Variants in RHEX observed in about 807,000 individuals in gnomAD.
The protein encoded by RHEX is regulator of hemoglobinization and erythroid cell expansion protein.
Under a neutral mutation model 20.1 loss-of-function variants are expected in RHEX, and 18 were observed. The ratio of observed to expected loss-of-function variants is 0.90; its 90% CI spans 0.62 to 1.33. The LOEUF is 1.33. RHEX is among the 40% of genes most tolerant of loss of function. The probability of loss-of-function intolerance (pLI) is 0.00; values close to 1 mark genes in which losing one functional copy is unlikely to be tolerated. For missense variants in RHEX, 192 were observed against 214.3 expected, an observed-to-expected ratio of 0.90 and a Z score of 0.65; for synonymous variants, 87 against 77.1, an observed-to-expected ratio of 1.13 and a Z score of -0.67.
chr1:206,071,914 T>G (rs1553284703), intron 1 of RHEX, among the ~76,000 whole-genome samples: 1 of 151,792 alleles, frequency 6.6e-6, no homozygotes, highest in Non-Finnish European at 1.5e-5. Flanking sequence ...TGATTGTAAC[T>G]GATTATGTTA....
In RHEX at chr1:206,097,721, T is replaced by C; in HGVS notation, c.-96-12T>C. 6.3e-7 allele frequency: 1 copy of C among 1,597,438 alleles called. No individual in the cohort carries two copies. The highest frequency in any genetic ancestry group is 8.6e-7 in the Non-Finnish European group (1 of 1,165,786). ...AGCCCTGGAGTCCTGACCAGCTCCT[T>C]ACCTCTTGCAGATCTCCAGCACCCT... is the stretch of plus-strand genomic sequence containing the variant. On this transcript the variant is annotated splice_polypyrimidine_tract_variant and intron_variant, in intron 1 of 5. Transcript: ENST00000331555.
chr1:206,068,020 A>G (rs1187927582), intron 1 of RHEX, among the ~76,000 whole-genome samples: 1 of 152,196 alleles, frequency 6.6e-6, no homozygotes, highest in Non-Finnish European at 1.5e-5. Context: ...GAAAGTAGAA[A>G]GGAAACTAAC....
intron 1 of RHEX, among the ~76,000 whole-genome samples, chr1:206,057,124 C>A (rs1484686122): frequency 4.6e-5 from 7 of 152,260 alleles, no homozygotes; most frequent in Admixed American, 2.6e-4. Context: ...GTATTTCAGA[C>A]TTTCTATGAT....
intron 1 of RHEX, among the ~76,000 whole-genome samples, chr1:206,056,724 C>T (rs1451370747): frequency 6.6e-6 from 1 of 152,104 alleles, no homozygotes; most frequent in Non-Finnish European, 1.5e-5. Context: ...AAAAATGTAA[C>T]CTTAAAATTT....
At chr1:206,076,280 G>A (rs1553285218) in intron 1 of RHEX, among the ~76,000 whole-genome samples, 1 of 151,898 alleles carries the variant, frequency 6.6e-6, no homozygotes, top group African/African-American at 2.4e-5. Flanking sequence ...TCACCTTCCA[G>A]AGTAGTTAGG....
intron 1 of RHEX, among the ~76,000 whole-genome samples, chr1:206,093,682 T>A (rs868906752): frequency 6.6e-6 from 1 of 152,220 alleles, no homozygotes; most frequent in Non-Finnish European, 1.5e-5. Flanking sequence ...AAAGTGGGCA[T>A]CTTTTTATTC....
rs1663101786 is a variant in RHEX at position 206,097,726 on chromosome 1, CTT to C, written c.-96-6_-96-5del. ...TGGAGTCCTGACCAGCTCCTTACCT[CTT>C]GCAGATCTCCAGCACCCTGCCGGTG... On this transcript the variant is annotated splice_polypyrimidine_tract_variant and splice_region_variant and intron_variant, in intron 1 of 5. Coordinates refer to ENST00000331555, the MANE Select transcript of RHEX (RefSeq NM_001007544.4). 6.2e-7 allele frequency: 1 copy of C among 1,605,192 alleles called. No homozygotes were observed. Among genetic ancestry groups the C allele is most frequent in the Admixed American group, 1.7e-5 (1 of 59,800 alleles).
At chr1:206,064,726 C>T (rs1406931451) in intron 1 of RHEX, among the ~76,000 whole-genome samples, 3 of 151,606 alleles carry the variant, frequency 2.0e-5, no homozygotes, top group African/African-American at 7.3e-5. Flanking sequence ...GCCGCCCCTG[C>T]TGGGAAGTGA....
chr1:206,101,066 C>A, intron 4 of RHEX, 70 bp from the exon 5 acceptor site: 1 of 1,212,924 alleles, frequency 8.2e-7, no homozygotes, highest in Non-Finnish European at 1.2e-6. Context: ...TTCTCCCTTC[C>A]ATTGTCTCTA....
intron 1 of RHEX, among the ~76,000 whole-genome samples, chr1:206,064,208 C>T (rs1451126328): frequency 6.7e-6 from 1 of 149,668 alleles, no homozygotes; most frequent in African/African-American, 2.5e-5. Flanking sequence ...GCCGCCCCGT[C>T]TGGGAAGTGA....
In RHEX at chr1:206,067,293, G is replaced by A. The variant is rs1407522886; in HGVS notation, c.-97+14028G>A. 1.3e-5 allele frequency among the ~76,000 whole-genome samples: 2 copies of A among 152,172 alleles called. No homozygotes were observed. Among genetic ancestry groups the A allele is most frequent in the African/African-American group, 2.4e-5 (1 of 41,430 alleles). The stretch of plus-strand genomic sequence containing the variant: ...CTGGTTCCACAGGGGACTCCAGAAC[G>A]TGATTCCCGGTCTCTCCACCTTAAT... On this transcript the variant is annotated intron_variant, in intron 1 of 5. Transcript: ENST00000331555. This position sits in a 1 kb window ranked among gnomAD's most constrained non-coding sequence, Gnocchi z 4.6.
chr1:206,093,427 T>C (rs1662998346), intron 1 of RHEX, among the ~76,000 whole-genome samples: 2 of 152,060 alleles, frequency 1.3e-5, no homozygotes, highest in Non-Finnish European at 2.9e-5. Context: ...CCTGCCACCA[T>C]GCCCGGCTAA....
At chr1:206,089,960 C>A (rs868918408) in intron 1 of RHEX, among the ~76,000 whole-genome samples, 1 of 151,746 alleles carries the variant, frequency 6.6e-6, no homozygotes, top group East Asian at 1.9e-4. Flanking sequence ...CTCCTTAATC[C>A]GTTTGGAATT....
chr1:206,078,609 G>A (rs1010171276), intron 1 of RHEX, among the ~76,000 whole-genome samples: 1 of 152,106 alleles, frequency 6.6e-6, no homozygotes, highest in Admixed American at 6.5e-5. Context: ...CCTGATATTT[G>A]TAGTGTTTTC....
chr1:206,057,481 TG>T (rs1662215841), intron 1 of RHEX, among the ~76,000 whole-genome samples: 1 of 152,264 alleles, frequency 6.6e-6, no homozygotes, highest in Non-Finnish European at 1.5e-5. Flanking sequence ...AGTTACATGG[TG>T]GAGTTCCAAT....
intron 1 of RHEX, among the ~76,000 whole-genome samples, chr1:206,086,874 G>A (rs563338063): frequency 1.3e-5 from 2 of 152,162 alleles, no homozygotes; most frequent in South Asian, 4.2e-4. Flanking sequence ...AGGCATGGTG[G>A]TATGCACCTG....
chr1:206,059,952 C>G (rs534672848), intron 1 of RHEX, among the ~76,000 whole-genome samples: 4 of 152,164 alleles, frequency 2.6e-5, no homozygotes, highest in Non-Finnish European at 5.9e-5. Flanking sequence ...CACATGCCCT[C>G]CCCCAGGTAC....
chr1:206,091,593 A>G (rs1292912817), intron 1 of RHEX, among the ~76,000 whole-genome samples: 2 of 152,234 alleles, frequency 1.3e-5, no homozygotes, highest in Non-Finnish European at 2.9e-5. Flanking sequence ...ATTATATAAA[A>G]GACAGCTTCC....
chr1:206,073,218 G>A (rs1662568030), intron 1 of RHEX, among the ~76,000 whole-genome samples: 1 of 152,096 alleles, frequency 6.6e-6, no homozygotes. Flanking sequence ...TCAGGGCTCT[G>A]TCCTGGCCCT....
Sources: gnomAD v4.1 joint callset for allele counts (sites outside exome capture counted in the v4.1 genomes callset) on GRCh38, gnomAD v4.1.1 for gene constraint, Gnocchi (gnomAD v3.1) non-coding constraint, MANE v1.5 for transcripts, NCBI Gene and HGNC (gene_info 2026-07-23, HGNC 2026-07-21) for gene names.